Variants in ABLIM1 observed in about 807,000 individuals in gnomAD.
ABLIM1 encodes the protein actin-binding LIM protein 1.
ABLIM1 carries 40 observed loss-of-function variants against 107.0 expected under a neutral mutation model. The observed-to-expected ratio is 0.37, with a 90% CI of 0.29 to 0.49. The LOEUF is 0.49. Among genes scored for constraint, ABLIM1 ranks in the 20% least tolerant of loss-of-function variants. The pLI, the probability that ABLIM1 is intolerant of heterozygous loss-of-function variation, is 0.97. For missense variants in ABLIM1, 857 were observed against 1,008.5 expected (o/e 0.85, Z 2.04); for synonymous variants, 357 against 357.3 (o/e 1.00, Z 0.01).
intron 8 of ABLIM1, among the ~76,000 whole-genome samples, chr10:114,479,994 T>C (rs556364681): frequency 9.2e-5 from 14 of 152,342 alleles, no homozygotes; most frequent in Non-Finnish European, 1.8e-4. Flanking sequence ...CATTAACATA[T>C]ATCCACTCAG....
intron 7 of ABLIM1, 74 bp downstream of exon 7, chr10:114,491,717 A>G: frequency 7.0e-7 from 1 of 1,431,290 alleles, no homozygotes; most frequent in East Asian, 2.3e-5. Flanking sequence ...TTCTCTAAAA[A>G]CAATCAAACA....
chr10:114,698,421 A>G (rs139686262), intron 1 of ABLIM1, among the ~76,000 whole-genome samples: 360 of 151,952 alleles, frequency 2.4e-3, no homozygotes, highest in African/African-American at 8.0e-3. Flanking sequence ...AAAAAAAAAA[A>G]AAGAATTAAG....
chr10:114,769,461 AAGAAAG>A (rs1249335825), upstream of ABLIM1, among the ~76,000 whole-genome samples: 54 of 99,576 alleles, frequency 5.4e-4, no homozygotes, highest in Admixed American at 4.4e-3. Context: ...GAAAGAAAGA[AAGAAAG>A]AAAGAAAGAA....
At chr10:114,540,236 G>A (rs2066492086) in intron 6 of ABLIM1, among the ~76,000 whole-genome samples, 2 of 152,200 alleles carry the variant, frequency 1.3e-5, no homozygotes, top group Non-Finnish European at 2.9e-5. Flanking sequence ...GCCAAGACAT[G>A]AGAATTCTAG....
chr10:114,530,185 T>C (rs1165110594), intron 6 of ABLIM1, among the ~76,000 whole-genome samples: 6 of 152,208 alleles, frequency 3.9e-5, no homozygotes, highest in African/African-American at 1.4e-4. Context: ...AATTTTCTGG[T>C]ATGTAATAAA....
Position 114,718,147 on chromosome 10 carries a change from A to AG in ABLIM1, c.-213+49913dup, listed in dbSNP as rs1309946127. Among the ~76,000 whole-genome samples the AG allele has an allele frequency of 2.7e-5, 4 of 149,992 alleles. No homozygotes were observed. The East Asian group carries it at 8.3e-4, about 31-fold the overall frequency. The stretch of plus-strand genomic sequence containing the variant: ...AAAGAAAGAAAAGAAAGAAAGAAAG[A>AG]GAAAAAAAGAAAAAGAAAGAAAGGC... On this transcript the variant is annotated intron_variant, in intron 1 of 15. Coordinates refer to the ABLIM1 transcript ENST00000651092.
chr10:114,581,005 C>G (rs950543821), intron 2 of ABLIM1, among the ~76,000 whole-genome samples: 3 of 152,168 alleles, frequency 2.0e-5, no homozygotes, highest in African/African-American at 7.2e-5. Flanking sequence ...CAACTAAATC[C>G]TGCCCTTTTT....
At chr10:114,594,577 C>A (rs1387497830) in intron 2 of ABLIM1, among the ~76,000 whole-genome samples, 3 of 152,098 alleles carry the variant, frequency 2.0e-5, no homozygotes, top group African/African-American at 7.2e-5. Context: ...TGGTGAAACC[C>A]CATCTCTACT....
At position 114,468,777 on chromosome 10, in the gene ABLIM1, T is replaced by C. The variant is rs556948670; in HGVS notation, c.1276-561A>G. Among the ~76,000 whole-genome samples the C allele has an allele frequency of 1.3e-3, 198 of 150,720 alleles. 1 individual carries two copies. The highest frequency in any genetic ancestry group is 3.6e-3 in the Admixed American group (54 of 15,122). On this transcript the variant is annotated intron_variant, in intron 10 of 22. Transcript: ENST00000533213. ...GCCTAAGAACCATGAATAGGCCGGG[T>C]GCGGTGGCTCACGTCTGTAATCCCA...
At chr10:114,591,842 A>C (rs1202213059) in intron 2 of ABLIM1, among the ~76,000 whole-genome samples, 1 of 152,166 alleles carries the variant, frequency 6.6e-6, no homozygotes, top group Admixed American at 6.5e-5. Context: ...CCTTAATTCA[A>C]ATATCCGACA....
At chr10:114,750,829 G>A (rs1026253599) in intron 1 of ABLIM1, among the ~76,000 whole-genome samples, 12 of 152,128 alleles carry the variant, frequency 7.9e-5, no homozygotes, top group Admixed American at 6.5e-4. Context: ...TAATACAAAA[G>A]TAGAAATCAC....
At chr10:114,719,370 A>G (rs2081784252) in intron 1 of ABLIM1, among the ~76,000 whole-genome samples, 1 of 152,066 alleles carries the variant, frequency 6.6e-6, no homozygotes, top group Admixed American at 6.6e-5. Flanking sequence ...TTCACCTACG[A>G]ACTGAAGGAC....
chr10:114,497,450 C>T lies in ABLIM1; in HGVS notation c.895-5572G>A, dbSNP rs184786326. On this transcript the variant is annotated intron_variant, in intron 6 of 22. Transcript: ENST00000533213. ...ATCCCAACACTTTGGGAGGCCGAGG[C>T]GGGCAGATCACGAGGTCAGGAGATC... Among the ~76,000 whole-genome samples, 7 of 150,542 alleles carry T rather than the reference C, an allele frequency of 4.6e-5. No homozygotes were observed. The East Asian group carries it at 1.4e-3, about 30-fold the overall frequency.
chr10:114,599,785 C>CAAATAAATAAAT (rs35940521), intron 2 of ABLIM1, among the ~76,000 whole-genome samples: 32 of 147,020 alleles, frequency 2.2e-4, no homozygotes, highest in African/African-American at 5.2e-4. Flanking sequence ...GACTCCATCT[C>CAAATAAATAAAT]AAATAAATAA....
intron 8 of ABLIM1, among the ~76,000 whole-genome samples, chr10:114,486,422 C>A (rs1056129037): frequency 2.0e-5 from 3 of 152,196 alleles, no homozygotes; most frequent in Non-Finnish European, 4.4e-5. Flanking sequence ...GGGCAGCATC[C>A]TCAAGCTATG....
chr10:114,483,351 G>A (rs906976770), intron 8 of ABLIM1, among the ~76,000 whole-genome samples: 14 of 152,022 alleles, frequency 9.2e-5, no homozygotes, highest in African/African-American at 2.9e-4. Context: ...GCTCACTGCA[G>A]CCTCAACCTC....
At chr10:114,500,547 G>A (rs2060249009) in intron 6 of ABLIM1, among the ~76,000 whole-genome samples, 1 of 151,944 alleles carries the variant, frequency 6.6e-6, no homozygotes, top group Admixed American at 6.6e-5. Flanking sequence ...GGGCATGGTG[G>A]TACTTGCCTA....
chr10:114,538,689 T>G (rs545845757), intron 6 of ABLIM1, among the ~76,000 whole-genome samples: 42 of 152,230 alleles, frequency 2.8e-4, no homozygotes, highest in Non-Finnish European at 5.0e-4. Flanking sequence ...GTGGTCAGAA[T>G]GCACATAAGA....
intron 6 of ABLIM1, among the ~76,000 whole-genome samples, chr10:114,503,427 G>T (rs901539914): frequency 6.6e-5 from 10 of 151,752 alleles, no homozygotes; most frequent in Admixed American, 6.6e-4. Flanking sequence ...CTCCAGCCTG[G>T]AACAGAAAGA....
Sources: gnomAD v4.1 joint callset for allele counts (sites outside exome capture counted in the v4.1 genomes callset) on GRCh38, gnomAD v4.1.1 for gene constraint, MANE v1.5 for transcripts, NCBI Gene and HGNC (gene_info 2026-07-23, HGNC 2026-07-21) for gene names.